The following OGFOD3 variants were observed in gnomAD, a reference collection of about 807,000 sequenced individuals.
OGFOD3 encodes 2-oxoglutarate and iron-dependent oxygenase domain-containing protein 3.
A neutral mutation model predicts 39.8 loss-of-function variants in OGFOD3; 35 were observed. The ratio of observed to expected loss-of-function variants is 0.88; its 90% CI spans 0.67 to 1.17. The LOEUF is 1.17. Ranked by LOEUF, OGFOD3 falls within the 50% of genes most tolerant of loss-of-function variation. The pLI, the probability that OGFOD3 is intolerant of heterozygous loss-of-function variation, is 0.00. For missense variants in OGFOD3, 438 were observed against 454.5 expected (o/e 0.96, Z 0.33); for synonymous variants, 200 against 192.0 (o/e 1.04, Z -0.34).
At chr17:82,394,429 G>A (rs577942429) in intron 8 of OGFOD3, 16 of 1,613,376 alleles carry the variant, frequency 9.9e-6, no homozygotes, top group African/African-American at 1.3e-5. Flanking sequence ...CCTCTCGGGC[G>A]GGTGGTGAGT....
At chr17:82,405,296 A>G in intron 6 of OGFOD3, 28 bp downstream of exon 6, 1 of 1,576,702 alleles carries the variant, frequency 6.3e-7, no homozygotes, top group Non-Finnish European at 8.7e-7. Flanking sequence ...CCCGCCTGCG[A>G]ACCCCCACCC....
Position 82,392,567 on chromosome 17 carries a change from G to C in OGFOD3, c.824-33C>G, listed in dbSNP as rs1160053713. On this transcript the variant is annotated intron_variant, in intron 8 of 8. Coordinates refer to ENST00000313056, the MANE Select transcript of OGFOD3 (RefSeq NM_024648.3). The surrounding 1 kb of genome is among the most constrained non-coding windows in gnomAD (Gnocchi z 4.2). The stretch of plus-strand genomic sequence containing the variant: ...AGGAGAAGAGAGAGAGGTGGCCATA[G>C]AGCCACACCCACGGCCACAGCCTTC... 1.3e-5 allele frequency: 21 copies of C among 1,562,834 alleles called. No homozygotes were observed. The highest frequency in any genetic ancestry group is 1.9e-5 in the Admixed American group (1 of 52,090).
In OGFOD3 at chr17:82,406,724, C is replaced by T. The variant is rs982800826; in HGVS notation, c.424-242G>A. On this transcript the variant is annotated intron_variant, in intron 4 of 8. Transcript: ENST00000313056. This position sits in a 1 kb window ranked among gnomAD's most constrained non-coding sequence, Gnocchi z 5.2. ...GGCTCCAGGCCAAACAATCCTCCCACCCTCTGCCTCCCAAGTAAAGGCGCT... is the reference window on the plus strand; with the variant it reads ...GGCTCCAGGCCAAACAATCCTCCCATCCTCTGCCTCCCAAGTAAAGGCGCT... Among the ~76,000 whole-genome samples, 1 of 152,160 alleles carries T rather than the reference C, an allele frequency of 6.6e-6. No individual in the cohort carries two copies. The highest frequency in any genetic ancestry group is 1.5e-5 in the Non-Finnish European group (1 of 68,030).
chr17:82,402,534 G>A (rs1567869084), intron 7 of OGFOD3, among the ~76,000 whole-genome samples: 1 of 151,398 alleles, frequency 6.6e-6, no homozygotes, highest in East Asian at 1.9e-4. Context: ...ATCACCTGAG[G>A]TCAGGAGTTT....
chr17:82,414,332 C>T (rs1418104390), intron 2 of OGFOD3, among the ~76,000 whole-genome samples: 1 of 152,134 alleles, frequency 6.6e-6, no homozygotes, highest in African/African-American at 2.4e-5. Flanking sequence ...GAGATGGGGT[C>T]TCACTGTGTT....
chr17:82,407,188 C>T (rs976702903), intron 4 of OGFOD3, among the ~76,000 whole-genome samples: 4 of 151,668 alleles, frequency 2.6e-5, no homozygotes, highest in Admixed American at 6.6e-5. Context: ...TCACTTGAAT[C>T]AGGGAGGCGG....
rs369992768 is a variant in OGFOD3, at chr17:82,403,980, G to A, written c.656C>T (p.Ala219Val). ...TFFSRINSTE[A>V]RTAHDEYWHA... ...CCAGTACTCGTCGTGCGCCGTCCGC[G>A]CTTCCGTGCTGTTTATGCGGGAGAA... Residue 219 changes from alanine (A) to valine (V), a missense_variant, in exon 7 of 9, where the codon GCG becomes GTG. By Grantham distance (64) the Ala-to-Val change is moderately conservative. Transcript: ENST00000313056. 1.1e-5 allele frequency: 17 copies of A among 1,609,554 alleles called. No homozygotes were observed. The highest frequency in any genetic ancestry group is 5.1e-5 in the Admixed American group (3 of 59,324).
intron 8 of OGFOD3, among the ~76,000 whole-genome samples, chr17:82,397,813 G>A (rs1375162065): frequency 6.6e-6 from 1 of 152,146 alleles, no homozygotes; most frequent in East Asian, 1.9e-4. Context: ...ACACTGGGCT[G>A]GGGCCTCGTC....
chr17:82,397,150 A>G (rs2052685439), intron 8 of OGFOD3, among the ~76,000 whole-genome samples: 2 of 152,052 alleles, frequency 1.3e-5, no homozygotes, highest in Admixed American at 6.6e-5. Flanking sequence ...TGAGAAAGGC[A>G]AGTACAAATA....
chr17:82,409,796 G>A (rs1355797318), intron 3 of OGFOD3, among the ~76,000 whole-genome samples: 1 of 152,204 alleles, frequency 6.6e-6, no homozygotes, highest in Admixed American at 6.5e-5. Context: ...TCTGGAGGCT[G>A]AGCCAGGAGA....
At chr17:82,401,823 A>AG (rs56137245) in intron 7 of OGFOD3, among the ~76,000 whole-genome samples, 5 of 146,810 alleles carry the variant, frequency 3.4e-5, no homozygotes, top group Non-Finnish European at 6.0e-5. Context: ...AAAAAAAAAA[A>AG]CAAAGACTGC....
intron 4 of OGFOD3, among the ~76,000 whole-genome samples, chr17:82,407,100 G>C (rs905442506): frequency 2.6e-4 from 40 of 152,028 alleles, no homozygotes; most frequent in African/African-American, 8.2e-4. Flanking sequence ...TGTAATCCCA[G>C]CTGTAGCTGG....
intron 7 of OGFOD3, among the ~76,000 whole-genome samples, chr17:82,403,437 T>C (rs2052797632): frequency 6.6e-6 from 1 of 152,050 alleles, no homozygotes; most frequent in Non-Finnish European, 1.5e-5. Flanking sequence ...TTTGAGACTA[T>C]CCTGGCCAAC....
chr17:82,414,869 C>T (rs1433250785), intron 2 of OGFOD3, among the ~76,000 whole-genome samples: 4 of 152,210 alleles, frequency 2.6e-5, no homozygotes, highest in Non-Finnish European at 4.4e-5. Flanking sequence ...GTGCGGTGGC[C>T]GGCCCGGTCA....
intron 2 of OGFOD3, among the ~76,000 whole-genome samples, chr17:82,413,076 C>T (rs1599704196): frequency 6.6e-6 from 1 of 152,258 alleles, no homozygotes; most frequent in East Asian, 1.9e-4. Flanking sequence ...GCTGTAGTTA[C>T]TGTGGTTAAA....
At chr17:82,395,537 C>T (rs544900804) in intron 8 of OGFOD3, among the ~76,000 whole-genome samples, 77 of 152,240 alleles carry the variant, frequency 5.1e-4, no homozygotes, top group African/African-American at 1.7e-3. Flanking sequence ...AGAACTGCGA[C>T]ACGGCCGGGC....
Position 82,389,470 on chromosome 17 carries a change from C to T in OGFOD3, c.*2928G>A, listed in dbSNP as rs2143156036. Reference sequence around the variant, plus strand: ...ATTCACTGCTGTGCCCACGTATTTTCCCACCTTTTTATTTTTTTAAAATGC... The same window carrying T: ...ATTCACTGCTGTGCCCACGTATTTTTCCACCTTTTTATTTTTTTAAAATGC... On this transcript the variant is annotated 3_prime_UTR_variant, in exon 9 of 9. Transcript: ENST00000313056. The surrounding 1 kb of genome is among the most constrained non-coding windows in gnomAD (Gnocchi z 4.6). 1 of 152,270 alleles carries T rather than the reference C, an allele frequency of 6.6e-6. No individual in the cohort carries two copies. Among genetic ancestry groups the T allele is most frequent in the Admixed American group, 6.5e-5 (1 of 15,292 alleles). 9.4% of individuals were successfully genotyped at this position (152,270 alleles called of 1,614,324 possible).
chr17:82,401,899 C>T (rs970421149), intron 7 of OGFOD3, among the ~76,000 whole-genome samples: 2 of 151,666 alleles, frequency 1.3e-5, no homozygotes, highest in Non-Finnish European at 2.9e-5. Flanking sequence ...ACTGCCATTC[C>T]TTCCTCTGTC....
intron 2 of OGFOD3, among the ~76,000 whole-genome samples, chr17:82,414,978 C>A (rs1372927974): frequency 2.0e-5 from 3 of 152,198 alleles, no homozygotes; most frequent in Non-Finnish European, 2.9e-5. Context: ...ACCACCACCT[C>A]CCGCATCTCT....
Sources: gnomAD v4.1 joint callset for allele counts (sites outside exome capture counted in the v4.1 genomes callset) on GRCh38, gnomAD v4.1.1 for gene constraint, Gnocchi (gnomAD v3.1) non-coding constraint, MANE v1.5 for transcripts, NCBI Gene and HGNC (gene_info 2026-07-23, HGNC 2026-07-21) for gene names.